Variants in MRPS28 observed in about 807,000 individuals in gnomAD.
The protein encoded by MRPS28 is mitochondrial ribosomal protein S28.
In MRPS28, 7 loss-of-function variants were observed where a neutral mutation model predicts 10.8. The ratio of observed to expected loss-of-function variants is 0.65; its 90% CI spans 0.37 to 1.22. MRPS28 has a LOEUF of 1.22. Among genes scored for constraint, MRPS28 ranks in the 50% most tolerant of loss-of-function variants. The pLI is 0.02. For synonymous variants in MRPS28, 121 were observed against 93.3 expected (o/e 1.30, Z -1.71); for missense variants, 265 against 232.9 (o/e 1.14, Z -0.90).
intron 2 of MRPS28, among the ~76,000 whole-genome samples, chr8:79,944,753 T>C (rs1285302500): frequency 1.3e-5 from 2 of 150,894 alleles, no homozygotes; most frequent in Non-Finnish European, 2.9e-5. Flanking sequence ...TGGAGTGCAG[T>C]GGCACAATCT....
At chr8:80,012,904 C>T (rs1014734775) in intron 1 of MRPS28, among the ~76,000 whole-genome samples, 1 of 152,130 alleles carries the variant, frequency 6.6e-6, no homozygotes, top group Non-Finnish European at 1.5e-5. Flanking sequence ...ACAGGGGCAA[C>T]TAGTGCTAAA....
intron 2 of MRPS28, among the ~76,000 whole-genome samples, chr8:79,992,469 C>T (rs1324361712): frequency 1.3e-5 from 2 of 152,186 alleles, no homozygotes; most frequent in East Asian, 1.9e-4. Flanking sequence ...ACCATCTCAA[C>T]TTTCATTTCT....
intron 1 of MRPS28, chr8:80,029,768 C>A: frequency 6.7e-7 from 1 of 1,495,636 alleles, no homozygotes; most frequent in Non-Finnish European, 8.9e-7. Flanking sequence ...TACCTTCCCA[C>A]CAGCATTCAA....
chr8:79,993,766 C>A (rs1169863494), intron 2 of MRPS28, among the ~76,000 whole-genome samples: 1 of 152,070 alleles, frequency 6.6e-6, no homozygotes, highest in Non-Finnish European at 1.5e-5. Flanking sequence ...AATAAAATGA[C>A]CCACTTAATT....
chr8:79,935,097 T>C (rs1332986086), intron 2 of MRPS28, among the ~76,000 whole-genome samples: 1 of 152,214 alleles, frequency 6.6e-6, no homozygotes, highest in Non-Finnish European at 1.5e-5. Flanking sequence ...GCTGAAACAA[T>C]CCACTGCCCA....
In MRPS28 at chr8:79,987,608, T is replaced by G. The variant is rs1301034607; in HGVS notation, c.395+15391A>C. Among the ~76,000 whole-genome samples the G allele has an allele frequency of 2.0e-5, 3 of 152,160 alleles. No individual in the cohort carries two copies. In the East Asian group the frequency reaches 5.8e-4, roughly 29 times the overall value. ...AAAATCAAACAACCCCATCAAAAAG[T>G]GGGCAAAGGACATGAACAGACACTT... On this transcript the variant is annotated intron_variant, in intron 2 of 2. Transcript: ENST00000276585.
chr8:79,998,477 T>C (rs1489473342), intron 2 of MRPS28, among the ~76,000 whole-genome samples: 1 of 152,248 alleles, frequency 6.6e-6, no homozygotes, highest in African/African-American at 2.4e-5. Context: ...TTGTTCATGC[T>C]TAAGTACTAT....
chr8:80,022,387 T>C (rs1479847974), intron 1 of MRPS28, among the ~76,000 whole-genome samples: 2 of 152,238 alleles, frequency 1.3e-5, no homozygotes, highest in African/African-American at 4.8e-5. Flanking sequence ...CTATTACAAA[T>C]GAAGCTGTTA....
At chr8:79,924,093 C>G (rs527734149) in intron 2 of MRPS28, among the ~76,000 whole-genome samples, 2 of 152,264 alleles carry the variant, frequency 1.3e-5, no homozygotes, top group South Asian at 4.1e-4. Context: ...ACCTCGGTAT[C>G]CAAAGAGAAT....
intron 1 of MRPS28, among the ~76,000 whole-genome samples, chr8:80,004,748 G>C (rs1342082581): frequency 1.3e-5 from 2 of 152,178 alleles, no homozygotes; most frequent in African/African-American, 2.4e-5. Flanking sequence ...AAAAAGATTA[G>C]ACAAATGGTT....
chr8:79,956,919 C>T (rs1191871721), intron 2 of MRPS28: 1 of 152,158 alleles, frequency 6.6e-6, no homozygotes, highest in Non-Finnish European at 1.5e-5. Context: ...TCTCTCAGCA[C>T]TGTCCATTAA....
chr8:80,014,037 G>A (rs1223701497), intron 1 of MRPS28, among the ~76,000 whole-genome samples: 1 of 152,124 alleles, frequency 6.6e-6, no homozygotes, highest in African/African-American at 2.4e-5. Context: ...TGGACAGAAA[G>A]CATGTGGAAG....
Position 80,030,098 on chromosome 8 carries a change from C to G in MRPS28, c.151G>C (p.Gly51Arg), listed in dbSNP as rs564912429. 3.1e-6 allele frequency: 5 copies of G among 1,611,780 alleles called. No individual in the cohort carries two copies. In the African/African-American group the frequency reaches 4.1e-5, roughly 13 times the overall value. Residue 51 changes from glycine to arginine, a missense_variant, in exon 1 of 3, where the codon GGT becomes CGT. By Grantham distance (125) the Gly-to-Arg change is moderately radical (BLOSUM62 -2). Coordinates refer to ENST00000276585, the MANE Select transcript of MRPS28 (RefSeq NM_014018.3). ...NAKEPKTRAG[G>R]FASALERHSE... is the part of the protein sequence containing the mutation. ...TGCCGCTCCAACGCGCTCGCGAAAC[C>G]GCCTGCGCGCGTCTTAGGCTCCTTG...
At chr8:80,020,979 A>G (rs1809342391) in intron 1 of MRPS28, among the ~76,000 whole-genome samples, 1 of 151,738 alleles carries the variant, frequency 6.6e-6, no homozygotes, top group South Asian at 2.1e-4. Flanking sequence ...AAACTACAGT[A>G]CGAATATATA....
At chr8:79,932,952 C>T (rs991502807) in intron 2 of MRPS28, among the ~76,000 whole-genome samples, 7 of 152,180 alleles carry the variant, frequency 4.6e-5, no homozygotes, top group Non-Finnish European at 7.3e-5. Context: ...GGAGGTCTGA[C>T]TGTAAGGTGG....
intron 2 of MRPS28, among the ~76,000 whole-genome samples, chr8:79,919,860 C>T (rs559463628): frequency 6.1e-4 from 93 of 152,160 alleles, no homozygotes; most frequent in African/African-American, 2.2e-3. Flanking sequence ...AGGTTTGTTA[C>T]ATATGTATAC....
At chr8:80,004,327 T>C (rs961002543) in intron 1 of MRPS28, among the ~76,000 whole-genome samples, 5 of 152,194 alleles carry the variant, frequency 3.3e-5, no homozygotes, top group African/African-American at 1.2e-4. Context: ...TTGCTGTTCA[T>C]CAGTATTCGC....
chr8:79,922,360 T>C (rs929173128), intron 2 of MRPS28, among the ~76,000 whole-genome samples: 4 of 152,130 alleles, frequency 2.6e-5, no homozygotes, highest in Non-Finnish European at 5.9e-5. Flanking sequence ...AGTCAAAGGA[T>C]ACAAAATTTC....
chr8:79,998,831 G>C (rs1808579078), intron 2 of MRPS28, among the ~76,000 whole-genome samples: 2 of 152,100 alleles, frequency 1.3e-5, no homozygotes, highest in East Asian at 1.9e-4. Context: ...TAGCTAATTA[G>C]AATATTCATT....
Sources: allele counts gnomAD v4.1 joint callset (sites outside exome capture counted in the v4.1 genomes callset), GRCh38; gene constraint gnomAD v4.1.1; transcripts MANE v1.5; gene names NCBI Gene and HGNC (gene_info 2026-07-23, HGNC 2026-07-21).